AHI1: variants seen among roughly 807,000 people sequenced by gnomAD.
AHI1 encodes Abelson helper integration site 1, also known as jouberin.
A neutral mutation model predicts 149.3 loss-of-function variants in AHI1; 123 were observed. The observed-to-expected ratio is 0.82, with a 90% confidence interval of 0.71 to 0.96. The LOEUF (loss-of-function observed/expected upper bound fraction) is 0.96, where lower values mean the gene tolerates loss of function less well. Ranked by LOEUF, AHI1 falls within the 40% of genes least tolerant of loss-of-function variation. AHI1 has a pLI of 0.00. For missense variants in AHI1, 1,439 were observed against 1,422.7 expected, an observed-to-expected ratio of 1.01 and a Z score of -0.18; for synonymous variants, 475 against 459.8, an observed-to-expected ratio of 1.03 and a Z score of -0.42.
At chr6:135,312,190 T>G (rs952752504) in intron 26 of AHI1, among the ~76,000 whole-genome samples, 1 of 152,166 alleles carries the variant, frequency 6.6e-6, no homozygotes, top group Non-Finnish European at 1.5e-5. Flanking sequence ...AACTTACACA[T>G]GAAGAAGGGT....
At chr6:135,481,647 TACTA>T (rs1793660702) in intron 5 of AHI1, among the ~76,000 whole-genome samples, 1 of 151,226 alleles carries the variant, frequency 6.6e-6, no homozygotes, top group Non-Finnish European at 1.5e-5. Context: ...ATATCACGTT[TACTA>T]TTTGTTGTGC....
At chr6:135,380,067 C>T (rs1190902187) in intron 23 of AHI1, among the ~76,000 whole-genome samples, 1 of 148,426 alleles carries the variant, frequency 6.7e-6, no homozygotes, top group Non-Finnish European at 1.5e-5. Context: ...TCTTTGTCGT[C>T]ATCTGAATTT....
intron 21 of AHI1, among the ~76,000 whole-genome samples, chr6:135,406,101 A>G (rs974856314): frequency 2.0e-5 from 3 of 152,168 alleles, no homozygotes; most frequent in Admixed American, 2.0e-4. Context: ...TTATCAGCAT[A>G]CTTGACTGCA....
At chr6:135,446,480 C>T (rs1787234154) in intron 13 of AHI1, among the ~76,000 whole-genome samples, 1 of 152,104 alleles carries the variant, frequency 6.6e-6, no homozygotes, top group Non-Finnish European at 1.5e-5. Context: ...AGCTGTAATC[C>T]CCTATGTGAT....
chr6:135,297,444 G>C (rs1329793600), intron 27 of AHI1: 1 of 456,046 alleles, frequency 2.2e-6, no homozygotes, highest in East Asian at 7.0e-5. Flanking sequence ...TTATCTAGAG[G>C]CCTTCTCTAG....
At chr6:135,399,355 C>T (rs1779699056) in intron 22 of AHI1, among the ~76,000 whole-genome samples, 1 of 152,332 alleles carries the variant, frequency 6.6e-6, no homozygotes, top group South Asian at 2.1e-4. Context: ...AAAAACAGCA[C>T]ACAACTGCAA....
chr6:135,303,841 C>T (rs1471757112), intron 26 of AHI1, among the ~76,000 whole-genome samples: 2 of 152,148 alleles, frequency 1.3e-5, no homozygotes, highest in African/African-American at 2.4e-5. Context: ...CCTATGCCCC[C>T]AGATCCCTGA....
chr6:135,299,809 G>A (rs1013793297), intron 27 of AHI1, among the ~76,000 whole-genome samples: 3 of 152,026 alleles, frequency 2.0e-5, no homozygotes, highest in Admixed American at 6.6e-5. Context: ...TAATGACAAT[G>A]TTCTGCTTAT....
chr6:135,447,194 C>A, intron 12 of AHI1, 34 bp from the exon 13 acceptor site: 1 of 1,367,760 alleles, frequency 7.3e-7, no homozygotes, highest in Non-Finnish European at 9.7e-7. Context: ...AATTTATATA[C>A]CATGTTCACC....
chr6:135,374,638 C>A lies in AHI1; in HGVS notation c.3110-16451G>T, dbSNP rs577608244. ...CAAACGTCAATTTCTCTTACATATTCAAACAAATTAGAAGATACAATGAAA... is the reference window on the plus strand; with the variant it reads ...CAAACGTCAATTTCTCTTACATATTAAAACAAATTAGAAGATACAATGAAA... On this transcript the variant is annotated intron_variant, in intron 23 of 28. Coordinates refer to ENST00000265602, the MANE Select transcript of AHI1 (RefSeq NM_001134831.2). Among the ~76,000 whole-genome samples, 3 of 151,944 alleles carry A rather than the reference C, an allele frequency of 2.0e-5. No homozygotes were observed. In the East Asian group the frequency reaches 5.8e-4, roughly 29 times the overall value.
chr6:135,287,739 A>G (rs544016669), intron 28 of AHI1, among the ~76,000 whole-genome samples: 20 of 152,320 alleles, frequency 1.3e-4, no homozygotes, highest in Non-Finnish European at 2.6e-4. Flanking sequence ...AGCTTATGAA[A>G]ACAAGTATGA....
At chr6:135,303,668 A>G (rs1000707241) in intron 26 of AHI1, among the ~76,000 whole-genome samples, 9 of 152,166 alleles carry the variant, frequency 5.9e-5, no homozygotes, top group African/African-American at 1.9e-4. Context: ...TACCAAGGTT[A>G]TAGAGGTAGT....
intron 27 of AHI1, among the ~76,000 whole-genome samples, chr6:135,298,347 AAAAC>A (rs1783419508): frequency 6.6e-6 from 1 of 152,000 alleles, no homozygotes. Flanking sequence ...AAAAAACAAA[AAAAC>A]AAGACAAGAA....
chr6:135,411,611 A>G (rs1385585537), intron 20 of AHI1, 67 bp from the exon 21 acceptor site: 1 of 1,307,568 alleles, frequency 7.6e-7, no homozygotes, highest in Non-Finnish European at 1.0e-6. Flanking sequence ...CTAAAACTGT[A>G]GCATTCAACA....
At chr6:135,324,249 C>T (rs1787304098) in intron 24 of AHI1, among the ~76,000 whole-genome samples, 1 of 152,000 alleles carries the variant, frequency 6.6e-6, no homozygotes, top group Admixed American at 6.6e-5. Context: ...ATCACTTGAG[C>T]CCCAGGGTTT....
At chr6:135,351,391 T>G (rs530555094) in intron 24 of AHI1, among the ~76,000 whole-genome samples, 18 of 152,330 alleles carry the variant, frequency 1.2e-4, no homozygotes, top group Non-Finnish European at 1.9e-4. Flanking sequence ...TGAGGTCCTA[T>G]TTGCATAAAC....
intron 3 of AHI1, chr6:135,495,351 C>T (rs1489221606): frequency 6.6e-6 from 1 of 152,214 alleles, no homozygotes; most frequent in Non-Finnish European, 1.5e-5. Context: ...GTCCCCTTCA[C>T]ACATCCACTG....
chr6:135,331,375 T>C (rs1383072091), intron 24 of AHI1, among the ~76,000 whole-genome samples: 1 of 152,222 alleles, frequency 6.6e-6, no homozygotes, highest in Non-Finnish European at 1.5e-5. Flanking sequence ...ATAATCATGG[T>C]CTCAGTGTCA....
intron 24 of AHI1, among the ~76,000 whole-genome samples, chr6:135,343,823 T>C (rs1790744508): frequency 6.6e-6 from 1 of 151,932 alleles, no homozygotes; most frequent in African/African-American, 2.4e-5. Context: ...TGAGAGTCAA[T>C]CTTCAGATCA....
Sources: gnomAD v4.1 joint callset for allele counts (sites outside exome capture counted in the v4.1 genomes callset) on GRCh38, gnomAD v4.1.1 for gene constraint, MANE v1.5 for transcripts, NCBI Gene and HGNC (gene_info 2026-07-23, HGNC 2026-07-21) for gene names.